Variants in CACNA2D3 observed in about 807,000 individuals in gnomAD.
CACNA2D3 encodes voltage-dependent calcium channel subunit alpha-2/delta-3.
In CACNA2D3, 60 loss-of-function variants were observed where a neutral mutation model predicts 160.6. The observed-to-expected ratio is 0.37, with a 90% CI of 0.30 to 0.46. The LOEUF (loss-of-function observed/expected upper bound fraction) is 0.46, where lower values mean the gene tolerates loss of function less well. CACNA2D3 is among the 20% of genes least tolerant of loss of function. The probability of loss-of-function intolerance (pLI) is 1.00; values close to 1 mark genes in which losing one functional copy is unlikely to be tolerated. For missense variants in CACNA2D3, 1,205 were observed against 1,365.0 expected, an observed-to-expected ratio of 0.88 and a Z score of 1.85; for synonymous variants, 558 against 492.9, an observed-to-expected ratio of 1.13 and a Z score of -1.75.
At chr3:54,819,810 A>T (rs1324218843) in intron 14 of CACNA2D3, among the ~76,000 whole-genome samples, 1 of 151,954 alleles carries the variant, frequency 6.6e-6, no homozygotes, top group Non-Finnish European at 1.5e-5. Context: ...ACACTACTGC[A>T]CTCCAGCCTG....
intron 3 of CACNA2D3, among the ~76,000 whole-genome samples, chr3:54,330,905 CG>C (rs1559452034): frequency 1.3e-5 from 2 of 152,104 alleles, no homozygotes; most frequent in Admixed American, 1.3e-4. Context: ...GTGGTCCACA[CG>C]GGGGAATTAG....
rs1161227365 is a variant in CACNA2D3, at chr3:54,436,697, C to T, written c.381+49923C>T. ...CACAAGAACAGAAAACCAAACACTG[C>T]GTGTTCTCACTCATAAGTGGGAGTT... On this transcript the variant is annotated intron_variant, in intron 4 of 37. Coordinates refer to ENST00000474759, the MANE Select transcript of CACNA2D3 (RefSeq NM_018398.3). 4.6e-5 allele frequency among the ~76,000 whole-genome samples: 7 copies of T among 152,268 alleles called. 1 individual carries two copies. The South Asian group carries it at 6.2e-4, about 14-fold the overall frequency.
intron 3 of CACNA2D3, among the ~76,000 whole-genome samples, chr3:54,345,177 G>A (rs181692832): frequency 1.3e-5 from 2 of 152,260 alleles, no homozygotes; most frequent in East Asian, 1.9e-4. Flanking sequence ...CTTTACTTAC[G>A]TAGTAATAAA....
At chr3:54,744,117 T>G (rs1701704030) in intron 11 of CACNA2D3, among the ~76,000 whole-genome samples, 1 of 152,168 alleles carries the variant, frequency 6.6e-6, no homozygotes, top group South Asian at 2.1e-4. Flanking sequence ...TGTCCCTCTA[T>G]GTAGAGGACT....
intron 2 of CACNA2D3, among the ~76,000 whole-genome samples, chr3:54,252,884 AAC>A (rs10575283): frequency 0.4 from 61,288 of 151,646 alleles, 12,424 homozygotes; most frequent in African/African-American, 0.42. Context: ...CCCCCCGGGA[AAC>A]ACATAGTCCA....
intron 11 of CACNA2D3, among the ~76,000 whole-genome samples, chr3:54,707,987 A>C (rs1242405410): frequency 6.6e-6 from 1 of 152,222 alleles, no homozygotes; most frequent in Non-Finnish European, 1.5e-5. Flanking sequence ...GTCCACCTGT[A>C]TCCACAGAGA....
At chr3:54,775,865 C>G (rs1702415794) in intron 13 of CACNA2D3, among the ~76,000 whole-genome samples, 1 of 152,112 alleles carries the variant, frequency 6.6e-6, no homozygotes, top group Non-Finnish European at 1.5e-5. Flanking sequence ...GGATAAGGAC[C>G]ATCAAGGAGC....
At chr3:54,707,068 A>T (rs930814677) in intron 11 of CACNA2D3, among the ~76,000 whole-genome samples, 2 of 152,212 alleles carry the variant, frequency 1.3e-5, no homozygotes, top group African/African-American at 4.8e-5. Context: ...AGTAATGCGT[A>T]GAAGGCGTAT....
intron 11 of CACNA2D3, among the ~76,000 whole-genome samples, chr3:54,662,902 A>T (rs1699998339): frequency 6.6e-6 from 1 of 152,246 alleles, no homozygotes; most frequent in Admixed American, 6.5e-5. Context: ...GTGATCTCAA[A>T]CAAGCCACTG....
intron 9 of CACNA2D3, among the ~76,000 whole-genome samples, chr3:54,602,047 A>G (rs561245598): frequency 2.2e-4 from 34 of 152,270 alleles, no homozygotes; most frequent in African/African-American, 7.9e-4. Flanking sequence ...AAAAATGTCC[A>G]TAAATGCACA....
At chr3:54,730,220 A>G (rs1701360960) in intron 11 of CACNA2D3, among the ~76,000 whole-genome samples, 1 of 152,176 alleles carries the variant, frequency 6.6e-6, no homozygotes. Flanking sequence ...ATAGTAATGA[A>G]CAAGACACAA....
At chr3:54,787,608 G>A (rs560067546) in intron 13 of CACNA2D3, among the ~76,000 whole-genome samples, 2 of 152,306 alleles carry the variant, frequency 1.3e-5, no homozygotes, top group South Asian at 4.1e-4. Context: ...AGGCCTTTGA[G>A]TTTATATACT....
chr3:54,752,460 G>T, intron 11 of CACNA2D3, 139 bp from the exon 12 acceptor site: 1 of 636,096 alleles, frequency 1.6e-6, no homozygotes, highest in South Asian at 1.9e-5. Context: ...CTATACTTCA[G>T]ATGTCTTAAA....
At chr3:54,966,361 AG>A (rs1702150265) in intron 27 of CACNA2D3, among the ~76,000 whole-genome samples, 1 of 152,232 alleles carries the variant, frequency 6.6e-6, no homozygotes, top group East Asian at 1.9e-4. Flanking sequence ...ACTCAAAATC[AG>A]CTTCTTTCAG....
rs148185315 is a variant in CACNA2D3 at position 54,433,311 on chromosome 3, G to A, written c.381+46537G>A. Reference sequence around the variant, plus strand: ...GCCTTCTTTGTTGATGTAACTACAGGGATAAGCCAGTATCTGCAGCTAAAT... The same window carrying A: ...GCCTTCTTTGTTGATGTAACTACAGAGATAAGCCAGTATCTGCAGCTAAAT... On this transcript the variant is annotated intron_variant, in intron 4 of 37. Coordinates refer to ENST00000474759, the MANE Select transcript of CACNA2D3 (RefSeq NM_018398.3). Among the ~76,000 whole-genome samples, 500 of 152,190 alleles carry A rather than the reference G, an allele frequency of 3.3e-3. 1 individual carries two copies. The highest frequency in any genetic ancestry group is 0.011 in the African/African-American group (472 of 41,514).
At chr3:54,365,186 A>G (rs1245138502) in intron 3 of CACNA2D3, among the ~76,000 whole-genome samples, 1 of 152,190 alleles carries the variant, frequency 6.6e-6, no homozygotes, top group Admixed American at 6.5e-5. Context: ...CACTTCAAAC[A>G]TCCTGCAGTC....
intron 10 of CACNA2D3, among the ~76,000 whole-genome samples, chr3:54,633,382 G>T (rs1413539098): frequency 6.6e-6 from 1 of 152,176 alleles, no homozygotes; most frequent in Non-Finnish European, 1.5e-5. Flanking sequence ...GTAAAATAAA[G>T]ATAATGATAG....
Position 54,883,819 on chromosome 3 carries a change from CTCTCCTCTCT to C in CACNA2D3, c.1913-1461_1913-1452del, listed in dbSNP as rs1370323814. ...ATGGAATCTCTCTCTCTCTCTCTCT[CTCTCCTCTCT>C]CTCCCTTCAACCCTCCTTATCTCTT... On this transcript the variant is annotated intron_variant, in intron 21 of 37. Coordinates refer to ENST00000474759, the MANE Select transcript of CACNA2D3 (RefSeq NM_018398.3). Among the ~76,000 whole-genome samples the C allele has an allele frequency of 1.9e-3, 270 of 143,606 alleles. 1 individual carries two copies. Among genetic ancestry groups the C allele is most frequent in the African/African-American group, 6.7e-3 (258 of 38,388 alleles). 94.2% of individuals were successfully genotyped at this position (143,606 alleles called of 152,430 possible). A position where few individuals can be genotyped will look rare whatever the true frequency, so the allele number is the denominator to read the frequency against.
chr3:54,339,107 T>G (rs943727438), intron 3 of CACNA2D3, among the ~76,000 whole-genome samples: 9 of 152,212 alleles, frequency 5.9e-5, no homozygotes, highest in South Asian at 2.1e-4. Flanking sequence ...AAATCAGAAT[T>G]CATTGGCAAG....
Sources: gnomAD v4.1 joint callset for allele counts (sites outside exome capture counted in the v4.1 genomes callset) on GRCh38, gnomAD v4.1.1 for gene constraint, MANE v1.5 for transcripts, NCBI Gene and HGNC (gene_info 2026-07-23, HGNC 2026-07-21) for gene names.